The following FBLN5 variants were observed in gnomAD, a reference collection of about 807,000 sequenced individuals.
FBLN5 encodes the protein fibulin 5.
A neutral mutation model predicts 61.6 loss-of-function variants in FBLN5; 24 were observed. That is an observed-to-expected ratio of 0.39 (90% CI 0.28 to 0.55). The LOEUF is 0.55. FBLN5 is among the 20% of genes least tolerant of loss of function. The probability of loss-of-function intolerance (pLI) is 0.65; values close to 1 mark genes in which losing one functional copy is unlikely to be tolerated. For synonymous variants in FBLN5, 213 were observed against 219.8 expected (o/e 0.97, Z 0.27); for missense variants, 470 against 594.1 (o/e 0.79, Z 2.17).
chr14:91,947,579 C>T lies in FBLN5; in HGVS notation c.-350G>A, dbSNP rs2140062716. ...CAGCTGGTTCAGATTACAGCGCTCACCAACTGGCTAGACTCCTCACAACAA... is the reference window on the plus strand; with the variant it reads ...CAGCTGGTTCAGATTACAGCGCTCATCAACTGGCTAGACTCCTCACAACAA... On this transcript the variant is annotated 5_prime_UTR_variant, in exon 1 of 11. It adds an upstream start codon to the 5' untranslated region. Coordinates refer to ENST00000342058, the MANE Select transcript of FBLN5 (RefSeq NM_006329.4). This position sits in a 1 kb window ranked among gnomAD's most constrained non-coding sequence, Gnocchi z 4.3. 7 of 394,644 alleles carry T rather than the reference C, an allele frequency of 1.8e-5. No individual in the cohort carries two copies. In the South Asian group the frequency reaches 1.9e-4, roughly 11 times the overall value. The allele number at this position is 394,644 out of a possible 1,614,324, so 24.4% of individuals were successfully genotyped here. A position where few individuals can be genotyped will look rare whatever the true frequency, so the allele number is the denominator to read the frequency against.
intron 10 of FBLN5, chr14:91,874,955 G>C (rs1463795830): frequency 6.6e-6 from 1 of 152,182 alleles, no homozygotes; most frequent in African/African-American, 2.4e-5. Flanking sequence ...AGCCTCCAGA[G>C]TGGCTGTGGT....
chr14:91,912,239 G>A (rs1890979476), intron 4 of FBLN5, among the ~76,000 whole-genome samples: 1 of 152,202 alleles, frequency 6.6e-6, no homozygotes, highest in Non-Finnish European at 1.5e-5. Flanking sequence ...ACTCATGCCT[G>A]TAATCCCAAC....
At chr14:91,881,083 T>C in intron 9 of FBLN5, among the ~76,000 whole-genome samples, 1 of 151,868 alleles carries the variant, frequency 6.6e-6, no homozygotes, top group South Asian at 2.1e-4. Flanking sequence ...ATATTTTCTA[T>C]TCCAGTCTGT....
At chr14:91,876,643 C>T (rs1181675818) in intron 10 of FBLN5, among the ~76,000 whole-genome samples, 1 of 152,076 alleles carries the variant, frequency 6.6e-6, no homozygotes, top group Non-Finnish European at 1.5e-5. Context: ...TGGAGTGATG[C>T]AGCCACAGTC....
At chr14:91,899,459 C>T (rs941351422) in intron 4 of FBLN5, among the ~76,000 whole-genome samples, 28 of 152,358 alleles carry the variant, frequency 1.8e-4, no homozygotes, top group African/African-American at 6.5e-4. Flanking sequence ...CTGCCCCTGC[C>T]AGGAAGAAGT....
At chr14:91,901,447 A>G (rs1890446725) in intron 4 of FBLN5, among the ~76,000 whole-genome samples, 1 of 152,216 alleles carries the variant, frequency 6.6e-6, no homozygotes, top group Admixed American at 6.5e-5. Flanking sequence ...ACCCAGTGAA[A>G]TAACATGTTT....
chr14:91,874,139 G>C (rs1020301824), intron 10 of FBLN5: 1 of 152,364 alleles, frequency 6.6e-6, no homozygotes, highest in Non-Finnish European at 1.5e-5. Context: ...GTTTGCCTGC[G>C]GGGTGAGATG....
rs2139936098 is a variant in FBLN5, at chr14:91,869,966, AC to A, written c.*257del. Reference sequence around the variant, plus strand: ...AATAAACTGAAGGCCTTGAAAATTCACCAACAATCTTCTATCAGGGGAGCAA... The same window carrying A: ...AATAAACTGAAGGCCTTGAAAATTCACAACAATCTTCTATCAGGGGAGCAA... On this transcript the variant is annotated 3_prime_UTR_variant, in exon 11 of 11. Coordinates refer to ENST00000342058, the MANE Select transcript of FBLN5 (RefSeq NM_006329.4). The A allele has an allele frequency of 2.0e-6, 1 of 499,002 alleles. No individual in the cohort carries two copies. Among genetic ancestry groups the A allele is most frequent in the South Asian group, 2.1e-5 (1 of 48,756 alleles). The allele number at this position is 499,002 out of a possible 1,614,324, so 30.9% of individuals were successfully genotyped here.
At chr14:91,870,500 A>G (rs906904799) in intron 10 of FBLN5, 115 bp from the exon 11 acceptor site, 2 of 982,178 alleles carry the variant, frequency 2.0e-6, no homozygotes, top group African/African-American at 3.2e-5. Flanking sequence ...CGGTGCCTCA[A>G]CTGTGCCATG....
At chr14:91,885,395 T>C (rs1186571882) in intron 7 of FBLN5, among the ~76,000 whole-genome samples, 2 of 152,120 alleles carry the variant, frequency 1.3e-5, no homozygotes, top group Non-Finnish European at 2.9e-5. Context: ...AACTCCACTG[T>C]GTCCAAAAAA....
At chr14:91,928,127 G>A (rs1316896781) in intron 4 of FBLN5, among the ~76,000 whole-genome samples, 2 of 152,232 alleles carry the variant, frequency 1.3e-5, no homozygotes, top group South Asian at 4.1e-4. Context: ...GTGGAGACTT[G>A]GTAGGGTCCC....
chr14:91,897,681 C>T (rs988690117), intron 4 of FBLN5, among the ~76,000 whole-genome samples: 7 of 152,180 alleles, frequency 4.6e-5, no homozygotes, highest in Admixed American at 2.0e-4. Context: ...GGCATGTGTG[C>T]GAAGTATTCA....
chr14:91,944,824 T>C (rs561885259), intron 1 of FBLN5, among the ~76,000 whole-genome samples: 21 of 152,330 alleles, frequency 1.4e-4, no homozygotes, highest in South Asian at 1.2e-3. Flanking sequence ...AATTGTTTAA[T>C]AGGTACAGAG....
chr14:91,946,170 A>G (rs1465358437), intron 1 of FBLN5, among the ~76,000 whole-genome samples: 1 of 151,752 alleles, frequency 6.6e-6, no homozygotes, highest in Non-Finnish European at 1.5e-5. Context: ...TGGAAGAGCC[A>G]CAGCTGAGTC....
At chr14:91,870,729 T>C (rs535943593) in intron 10 of FBLN5, among the ~76,000 whole-genome samples, 31 of 152,328 alleles carry the variant, frequency 2.0e-4, no homozygotes, top group Admixed American at 1.0e-3. Context: ...CCGTGTCTGA[T>C]ATCTAGGCTC....
At chr14:91,873,259 T>TGAG (rs1048717238) in intron 10 of FBLN5, among the ~76,000 whole-genome samples, 1 of 152,052 alleles carries the variant, frequency 6.6e-6, no homozygotes, top group Admixed American at 6.6e-5. Flanking sequence ...TGCGAAAAGA[T>TGAG]GAGGAGGAGG....
rs753495990 is a variant in FBLN5 at position 91,870,248 on chromosome 14, T to C, written c.1323A>G (p.Ile441Met). Reference sequence around the variant, plus strand: ...CTCAGAATGGGTACTGCGACACATATATCCGCAGTCGGATCACGGAGCTGC... The same window carrying C: ...CTCAGAATGGGTACTGCGACACATACATCCGCAGTCGGATCACGGAGCTGC... ...FRGSSVIRLR[I>M]YVSQYPF Residue 441 changes from isoleucine (I) to methionine (M), a missense_variant, in exon 11 of 11, where the codon ATA becomes ATG. By Grantham distance (10) the Ile-to-Met change is conservative. Coordinates refer to ENST00000342058, the MANE Select transcript of FBLN5 (RefSeq NM_006329.4). 2 of 1,614,068 alleles carry C rather than the reference T, an allele frequency of 1.2e-6. No homozygotes were observed. Among genetic ancestry groups the C allele is most frequent in the East Asian group, 2.2e-5 (1 of 44,900 alleles).
At chr14:91,897,932 C>T (rs1890292628) in intron 4 of FBLN5, among the ~76,000 whole-genome samples, 1 of 152,032 alleles carries the variant, frequency 6.6e-6, no homozygotes, top group African/African-American at 2.4e-5. Flanking sequence ...TACCTGTAGT[C>T]CCAGCTACTC....
chr14:91,883,973 T>C (rs1467494654), intron 7 of FBLN5, among the ~76,000 whole-genome samples: 1 of 152,230 alleles, frequency 6.6e-6, no homozygotes, highest in Non-Finnish European at 1.5e-5. Flanking sequence ...CCTCATTCGA[T>C]AAGCATGCCA....
Sources: gnomAD v4.1 joint callset for allele counts (sites outside exome capture counted in the v4.1 genomes callset) on GRCh38, gnomAD v4.1.1 for gene constraint, Gnocchi (gnomAD v3.1) non-coding constraint, MANE v1.5 for transcripts, NCBI Gene and HGNC (gene_info 2026-07-23, HGNC 2026-07-21) for gene names.